The following CCDC15 variants were observed in gnomAD, a reference collection of about 807,000 sequenced individuals.
CCDC15 encodes coiled-coil domain containing 15, also known as coiled-coil domain-containing protein 15.
A neutral mutation model predicts 114.5 loss-of-function variants in CCDC15; 105 were observed. The observed-to-expected ratio is 0.92, with a 90% CI of 0.78 to 1.08. The LOEUF is 1.08. Among genes scored for constraint, CCDC15 ranks in the 50% least tolerant of loss-of-function variants. CCDC15 has a pLI of 0.00. For missense variants in CCDC15, 1,105 were observed against 1,093.6 expected (o/e 1.01, Z -0.15); for synonymous variants, 334 against 377.8 (o/e 0.88, Z 1.34).
chr11:124,994,680 A>G (rs1345802028), intron 11 of CCDC15, among the ~76,000 whole-genome samples: 1 of 151,986 alleles, frequency 6.6e-6, no homozygotes, highest in African/African-American at 2.4e-5. Context: ...TAAACTAATC[A>G]GGTTTGGGCT....
intron 4 of CCDC15, among the ~76,000 whole-genome samples, chr11:124,960,549 T>G (rs930200125): frequency 6.6e-6 from 1 of 152,170 alleles, no homozygotes; most frequent in Non-Finnish European, 1.5e-5. Flanking sequence ...TTATTTATCT[T>G]TGTCTCATTT....
At position 124,959,224 on chromosome 11, in the gene CCDC15, G is replaced by A. The variant is rs753169854; in HGVS notation, c.287G>A (p.Arg96Lys). 15 of 1,581,898 alleles carry A rather than the reference G, an allele frequency of 9.5e-6. No homozygotes were observed. In the South Asian group the frequency reaches 1.8e-4, roughly 19 times the overall value. ...AAATACCGAGTAAATCAACAAATTA[G>A]GTTGAGAAAAAAGCAACAGCTTCAG... ...QVKYRVNQQIRLRKKQQLQKS... is the reference protein window; with the variant it reads ...QVKYRVNQQIKLRKKQQLQKS... The change falls in exon 3 of 16, where the codon AGG becomes AAG. Residue 96 changes from arginine to lysine, a missense_variant. Coordinates refer to ENST00000344762, the MANE Select transcript of CCDC15 (RefSeq NM_025004.3).
chr11:124,955,599 G>T (rs1947534814), intron 2 of CCDC15, among the ~76,000 whole-genome samples: 2 of 152,204 alleles, frequency 1.3e-5, no homozygotes, highest in East Asian at 1.9e-4. Flanking sequence ...CTTAAATACT[G>T]CCTAATCAAT....
At chr11:125,005,961 A>G (rs1565377484) in intron 13 of CCDC15, among the ~76,000 whole-genome samples, 2 of 152,152 alleles carry the variant, frequency 1.3e-5, no homozygotes, top group Admixed American at 6.5e-5. Flanking sequence ...TTATTCATTC[A>G]CCTACTGAAG....
rs1361770572 is a variant in CCDC15 at position 125,005,156 on chromosome 11, G to A, written c.2355G>A (p.Glu785=). The change falls in exon 13 of 16, where the codon GAG becomes GAA. Residue 785 remains glutamate (E), a synonymous_variant. Transcript: ENST00000344762. ...ATAGACGACTTTTCATGGATATTGA[G>A]AGAGAACAAGTTAAAGAACAACAAA... The part of the protein sequence containing the change: ...LRHRRLFMDI[E]REQVKEQQRQ... The A allele has an allele frequency of 6.4e-6, 10 of 1,574,734 alleles. No homozygotes were observed. Among genetic ancestry groups the A allele is most frequent in the Non-Finnish European group, 8.6e-6 (10 of 1,156,874 alleles).
chr11:125,018,040 A>AT (rs1252841368), intron 13 of CCDC15, among the ~76,000 whole-genome samples: 5 of 152,110 alleles, frequency 3.3e-5, no homozygotes, highest in Non-Finnish European at 7.4e-5. Flanking sequence ...AAGAAAATTA[A>AT]TTTTTGTAAC....
At position 125,032,299 on chromosome 11, in the gene CCDC15, A is replaced by T. The variant is rs61534315; in HGVS notation, c.2412-6132A>T. 4.5e-3 allele frequency among the ~76,000 whole-genome samples: 689 copies of T among 152,378 alleles called. 5 individuals are homozygous for T. Among genetic ancestry groups the T allele is most frequent in the African/African-American group, 0.016 (655 of 41,590 alleles). Reference sequence around the variant, plus strand: ...ATTGCTGGCCTTGCCAGCTGAAGGCAAATTGATTCTGTTGGACCTTATGCA... The same window carrying T: ...ATTGCTGGCCTTGCCAGCTGAAGGCTAATTGATTCTGTTGGACCTTATGCA... On this transcript the variant is annotated intron_variant, in intron 13 of 15. Coordinates refer to ENST00000344762, the MANE Select transcript of CCDC15 (RefSeq NM_025004.3).
At chr11:125,029,853 G>C (rs76898367) in intron 13 of CCDC15, among the ~76,000 whole-genome samples, 7,761 of 152,222 alleles carry the variant, frequency 0.051, 224 homozygotes, top group Middle Eastern at 0.082. Flanking sequence ...AAGAGATGCC[G>C]TAATGGACCT....
At chr11:125,025,135 T>TAA (rs1489312707) in intron 13 of CCDC15, among the ~76,000 whole-genome samples, 23 of 144,846 alleles carry the variant, frequency 1.6e-4, no homozygotes, top group Non-Finnish European at 3.0e-4. Context: ...TATGAATATA[T>TAA]ATGAATATAT....
At chr11:124,994,212 T>G (rs941294267) in intron 11 of CCDC15, among the ~76,000 whole-genome samples, 1 of 152,212 alleles carries the variant, frequency 6.6e-6, no homozygotes, top group African/African-American at 2.4e-5. Flanking sequence ...CAGGATTTGC[T>G]TCTGGGTGGC....
chr11:125,005,200 A>T lies in CCDC15; in HGVS notation c.2399A>T (p.Lys800Met). The T allele has an allele frequency of 6.7e-7, 1 of 1,489,624 alleles. No homozygotes were observed. Among genetic ancestry groups the T allele is most frequent in the African/African-American group, 1.4e-5 (1 of 71,796 alleles). 92.3% of individuals were successfully genotyped at this position (1,489,624 alleles called of 1,614,324 possible). Reference protein sequence around the residue: ...KEQQRQKEQKKKIEKIKKKRE... With the variant: ...KEQQRQKEQKMKIEKIKKKRE... ...CAACAAAGGCAAAAAGAACAAAAGA[A>T]GAAAATTGAAAAGTAAGTTATTCGA... Residue 800 changes from lysine to methionine, a missense_variant, in exon 13 of 16, where the codon AAG becomes ATG. By Grantham distance (95) the Lys-to-Met change is moderately conservative. Transcript: ENST00000344762.
At position 125,038,786 on chromosome 11, in the gene CCDC15, C is replaced by T. The variant is rs987781199; in HGVS notation, c.2586-135C>T. 6 of 1,253,518 alleles carry T rather than the reference C, an allele frequency of 4.8e-6. No individual in the cohort carries two copies. The African/African-American group carries it at 9.0e-5, about 19-fold the overall frequency. 77.6% of individuals were successfully genotyped at this position (1,253,518 alleles called of 1,614,324 possible). ...TTCTTGGGTGTAGCCCTGCGTTTTT[C>T]CCAGTACAAAGAGGAAATGTCAAGG... On this transcript the variant is annotated intron_variant, in intron 14 of 15. Coordinates refer to ENST00000344762, the MANE Select transcript of CCDC15 (RefSeq NM_025004.3).
Position 124,987,244 on chromosome 11 carries a change from C to G in CCDC15, c.1018C>G (p.Gln340Glu). Residue 340 changes from glutamine (Q) to glutamate (E), a missense_variant, in exon 8 of 16, where the codon CAA becomes GAA. Transcript: ENST00000344762. ...AGCCCAGGATTATTTTCTAGAAGCC[C>G]AAGGTGATTTGCTGGAAACCCAGGG... ...PEAQDYFLEA[Q>E]GDLLETQGDL... 6.4e-7 allele frequency: 1 copy of G among 1,569,134 alleles called. No individual in the cohort carries two copies. The highest frequency in any genetic ancestry group is 8.6e-7 in the Non-Finnish European group (1 of 1,163,206).
rs1163577893 is a variant in CCDC15, at chr11:124,978,604, GC to G, written c.753+1006del. 3.3e-5 allele frequency among the ~76,000 whole-genome samples: 5 copies of G among 152,048 alleles called. No individual in the cohort carries two copies. In the East Asian group the frequency reaches 9.7e-4, roughly 29 times the overall value. On this transcript the variant is annotated intron_variant, in intron 6 of 15. Coordinates refer to ENST00000344762, the MANE Select transcript of CCDC15 (RefSeq NM_025004.3). Reference sequence around the variant, plus strand: ...GCATTTCTCTAATGAGTGGTCCTTGGCCATGTGTATGTCTTCTTTTGAAGTG... The same window carrying G: ...GCATTTCTCTAATGAGTGGTCCTTGGCATGTGTATGTCTTCTTTTGAAGTG...
At chr11:124,968,368 G>A (rs187308901) in intron 4 of CCDC15, among the ~76,000 whole-genome samples, 2 of 152,300 alleles carry the variant, frequency 1.3e-5, no homozygotes, top group African/African-American at 2.4e-5. Context: ...AATGGCGGAC[G>A]CCCCTCCTCC....
chr11:124,959,147 G>T lies in CCDC15; in HGVS notation c.210G>T (p.Lys70Asn). The T allele has an allele frequency of 6.3e-7, 1 of 1,580,016 alleles. No individual in the cohort carries two copies. The highest frequency in any genetic ancestry group is 1.2e-5 in the South Asian group (1 of 84,026). Residue 70 changes from lysine (K) to asparagine (N), a missense_variant, in exon 3 of 16, where the codon AAG becomes AAT. Transcript: ENST00000344762. The part of the protein sequence containing the change: ...TSAYLIEEEL[K>N]EQLRKKQEAL... ...CATATTTAATTGAAGAAGAACTAAAGGAACAGCTAAGAAAAAAACAAGAAG... is the reference window on the plus strand; with the variant it reads ...CATATTTAATTGAAGAAGAACTAAATGAACAGCTAAGAAAAAAACAAGAAG...
rs1948202375 is a variant in CCDC15 at position 124,987,927 on chromosome 11, A to G, written c.1701A>G (p.Gln567=). The change falls in exon 8 of 16, where the codon CAA becomes CAG. Residue 567 remains glutamine (Q), a synonymous_variant. Transcript: ENST00000344762. ...CQDQDFLPRD[Q]GVLPKDQNIL... is the part of the protein sequence containing the mutation. ...ACCAGGATTTTCTACCCAGAGACCA[A>G]GGTGTTCTTCCCAAAGACCAAAATA... The G allele has an allele frequency of 3.1e-6, 5 of 1,613,534 alleles. No individual in the cohort carries two copies. Among genetic ancestry groups the G allele is most frequent in the Middle Eastern group, 1.6e-4 (1 of 6,082 alleles).
At chr11:124,968,419 G>A (rs539406760) in intron 4 of CCDC15, among the ~76,000 whole-genome samples, 4 of 152,300 alleles carry the variant, frequency 2.6e-5, no homozygotes, top group Admixed American at 2.0e-4. Context: ...GGACTGCTGC[G>A]CTAGCAGTGA....
chr11:125,016,578 C>T (rs1948630601), intron 13 of CCDC15, among the ~76,000 whole-genome samples: 1 of 152,154 alleles, frequency 6.6e-6, no homozygotes, highest in Admixed American at 6.6e-5. Flanking sequence ...CCAGATTTGT[C>T]TTATGATAGC....
Sources: allele counts gnomAD v4.1 joint callset (sites outside exome capture counted in the v4.1 genomes callset), GRCh38; gene constraint gnomAD v4.1.1; transcripts MANE v1.5; gene names NCBI Gene and HGNC (gene_info 2026-07-23, HGNC 2026-07-21).